The following PHAF1 variants were observed in gnomAD, a reference collection of about 807,000 sequenced individuals.
PHAF1 encodes phagosome assembly factor 1.
In PHAF1, 23 loss-of-function variants were observed where a neutral mutation model predicts 63.1. The ratio of observed to expected loss-of-function variants is 0.36; its 90% CI spans 0.26 to 0.52. The LOEUF is 0.52. Ranked by LOEUF, PHAF1 falls within the 20% of genes least tolerant of loss-of-function variation. The pLI, the probability that PHAF1 is intolerant of heterozygous loss-of-function variation, is 0.93. For synonymous variants in PHAF1, 167 were observed against 185.0 expected (o/e 0.90, Z 0.79); for missense variants, 427 against 517.2 (o/e 0.83, Z 1.69).
intron 1 of PHAF1, among the ~76,000 whole-genome samples, chr16:67,116,010 G>T (rs1266164075): frequency 6.6e-6 from 1 of 152,178 alleles, no homozygotes; most frequent in East Asian, 1.9e-4. Flanking sequence ...AAAAGAAACT[G>T]GCATGTGCCA....
intron 1 of PHAF1, 116 bp from the exon 2 acceptor site, chr16:67,119,996 C>T (rs551401384): frequency 1.6e-4 from 120 of 762,516 alleles, no homozygotes; most frequent in Admixed American, 6.3e-4. Context: ...ATCTGTAGAC[C>T]TTAGTAGCCC....
intron 8 of PHAF1, chr16:67,139,771 T>G: frequency 9.0e-6 from 5 of 556,424 alleles, no homozygotes; most frequent in Non-Finnish European, 6.3e-6. Flanking sequence ...TCATGTCACA[T>G]GTGGGGGATT....
rs752975373 is a variant in PHAF1 at position 67,147,133 on chromosome 16, G to A, written c.*2G>A. 1.2e-6 allele frequency: 2 copies of A among 1,607,232 alleles called. No homozygotes were observed. The highest frequency in any genetic ancestry group is 1.7e-5 in the Admixed American group (1 of 59,984). ...CTGAGAACAGCGGAACTCCCCTAGG[G>A]ACACCACCACCCATGCCCCTCTGTC... On this transcript the variant is annotated 3_prime_UTR_variant, in exon 16 of 16. Coordinates refer to ENST00000219139, the MANE Select transcript of PHAF1 (RefSeq NM_025187.5).
chr16:67,120,158 C>A lies in PHAF1; in HGVS notation c.111C>A (p.Arg37=), dbSNP rs934357945. The A allele has an allele frequency of 6.2e-7, 1 of 1,613,722 alleles. No homozygotes were observed. Among genetic ancestry groups the A allele is most frequent in the African/African-American group, 1.3e-5 (1 of 75,026 alleles). ...TAGCCATTCTTCAGAAGCACTGTCG[C>A]ATCATCAAAAACGTCCAGGTTCTCT... ...QAVAILQKHC[R]IIKNVQVLYS... is the part of the protein sequence containing the mutation. The change falls in exon 2 of 16, where the codon CGC becomes CGA. Residue 37 remains arginine (R), a synonymous_variant. Coordinates refer to ENST00000219139, the MANE Select transcript of PHAF1 (RefSeq NM_025187.5).
intron 8 of PHAF1, among the ~76,000 whole-genome samples, chr16:67,138,851 C>T (rs142188662): frequency 6.6e-6 from 1 of 152,272 alleles, no homozygotes; most frequent in Non-Finnish European, 1.5e-5. Flanking sequence ...ATGCATGCTT[C>T]ACTCTACTTG....
intron 2 of PHAF1, among the ~76,000 whole-genome samples, chr16:67,123,810 T>C (rs1314664696): frequency 1.3e-5 from 2 of 152,198 alleles, no homozygotes; most frequent in East Asian, 3.8e-4. Flanking sequence ...TTGTCTGCAT[T>C]AAACATTTCA....
At chr16:67,131,394 A>C in intron 4 of PHAF1, 65 bp downstream of exon 4, 1 of 1,156,658 alleles carries the variant, frequency 8.6e-7, no homozygotes, top group Non-Finnish European at 1.2e-6. Context: ...TACTATCTTC[A>C]TAAGTTAGTA....
chr16:67,140,098 T>A lies in PHAF1; in HGVS notation c.776T>A (p.Phe259Tyr), dbSNP rs1304389650. The A allele has an allele frequency of 4.3e-6, 7 of 1,614,058 alleles. No homozygotes were observed. Among genetic ancestry groups the A allele is most frequent in the Admixed American group, 1.7e-5 (1 of 59,996 alleles). Residue 259 changes from phenylalanine to tyrosine, a missense_variant, in exon 9 of 16, where the codon TTC becomes TAC. Coordinates refer to ENST00000219139, the MANE Select transcript of PHAF1 (RefSeq NM_025187.5). ...ATGCTTGGCTCTCCACACAAAGTCT[T>A]CTATAAATCAGAAGACAAGGTAGGG... ...LSMLGSPHKV[F>Y]YKSEDKMKIH...
chr16:67,117,010 G>C (rs1277127752), intron 1 of PHAF1, among the ~76,000 whole-genome samples: 1 of 151,738 alleles, frequency 6.6e-6, no homozygotes, highest in Admixed American at 6.6e-5. Context: ...GTTTCTTCTT[G>C]TTTAAATTAT....
chr16:67,123,059 A>T (rs1032143639), intron 2 of PHAF1, among the ~76,000 whole-genome samples: 4 of 150,002 alleles, frequency 2.7e-5, no homozygotes, highest in Non-Finnish European at 3.0e-5. Context: ...GATCAAAAGG[A>T]GATGGTCTCT....
intron 1 of PHAF1, among the ~76,000 whole-genome samples, chr16:67,111,012 A>G (rs1231772477): frequency 6.6e-6 from 1 of 152,114 alleles, no homozygotes; most frequent in East Asian, 1.9e-4. Context: ...AGGTTTCACC[A>G]TGTTGACCAG....
At chr16:67,140,207 C>G in intron 9 of PHAF1, 90 bp downstream of exon 9, 1 of 1,461,852 alleles carries the variant, frequency 6.8e-7, no homozygotes, top group Non-Finnish European at 9.3e-7. Context: ...TCCCATAGAA[C>G]TTGTTCTAAG....
intron 3 of PHAF1, among the ~76,000 whole-genome samples, chr16:67,128,668 A>G (rs1037952956): frequency 2.6e-5 from 4 of 152,166 alleles, no homozygotes; most frequent in African/African-American, 9.7e-5. Flanking sequence ...TAGCCCAGAG[A>G]TGGAAAATCA....
intron 1 of PHAF1, among the ~76,000 whole-genome samples, chr16:67,118,140 T>G (rs1219595674): frequency 7.1e-6 from 1 of 141,198 alleles, no homozygotes; most frequent in African/African-American, 2.7e-5. Flanking sequence ...TTTTTTTTTT[T>G]TTTTTTTCTT....
intron 12 of PHAF1, 118 bp from the exon 13 acceptor site, chr16:67,145,258 C>A (rs999975341): frequency 8.6e-7 from 1 of 1,156,234 alleles, no homozygotes; most frequent in Admixed American, 2.0e-5. Context: ...GCCTGTTAAT[C>A]CTCCCCATGT....
intron 1 of PHAF1, among the ~76,000 whole-genome samples, chr16:67,113,321 G>T (rs948367226): frequency 3.3e-5 from 5 of 152,134 alleles, no homozygotes; most frequent in African/African-American, 1.2e-4. Context: ...AGGGAAATGC[G>T]AGCAACACAG....
At chr16:67,144,443 CTT>C in intron 11 of PHAF1, 67 bp downstream of exon 11, 1 of 1,212,822 alleles carries the variant, frequency 8.2e-7, no homozygotes, top group Non-Finnish European at 1.2e-6. Flanking sequence ...CAGGAAAGAG[CTT>C]TTGGCTTTGG....
chr16:67,113,101 C>T (rs1014322027), intron 1 of PHAF1, among the ~76,000 whole-genome samples: 1 of 152,138 alleles, frequency 6.6e-6, no homozygotes, highest in Non-Finnish European at 1.5e-5. Flanking sequence ...GGGACAGGCT[C>T]AGAGAGAGAG....
chr16:67,115,155 A>G (rs1349781643), intron 1 of PHAF1, among the ~76,000 whole-genome samples: 2 of 152,218 alleles, frequency 1.3e-5, no homozygotes, highest in South Asian at 2.1e-4. Flanking sequence ...TGTTCTACCT[A>G]ATTGCTTTGT....
Sources: allele counts gnomAD v4.1 joint callset (sites outside exome capture counted in the v4.1 genomes callset), GRCh38; gene constraint gnomAD v4.1.1; transcripts MANE v1.5; gene names NCBI Gene and HGNC (gene_info 2026-07-23, HGNC 2026-07-21).